The following MBD5 variants were observed in gnomAD, a reference collection of about 807,000 sequenced individuals.
The protein encoded by MBD5 is methyl-CpG-binding domain protein 5.
MBD5 carries 13 observed loss-of-function variants against 117.3 expected under a neutral mutation model. The observed-to-expected ratio is 0.11, with a 90% confidence interval of 0.07 to 0.18. The LOEUF is 0.18. Ranked by LOEUF, MBD5 falls within the 10% of genes least tolerant of loss-of-function variation. MBD5 has a pLI of 1.00. For missense variants in MBD5, 1,879 were observed against 2,093.8 expected (o/e 0.90, Z 2.00); for synonymous variants, 727 against 766.4 (o/e 0.95, Z 0.85).
intron 1 of MBD5, among the ~76,000 whole-genome samples, chr2:148,047,829 A>G (rs1010982583): frequency 6.6e-6 from 1 of 152,204 alleles, no homozygotes; most frequent in Non-Finnish European, 1.5e-5. Flanking sequence ...ACAATTGCAT[A>G]AGATGGTAAG....
At chr2:148,219,467 A>C (rs1269607698) in intron 2 of MBD5, among the ~76,000 whole-genome samples, 1 of 152,138 alleles carries the variant, frequency 6.6e-6, no homozygotes, top group Non-Finnish European at 1.5e-5. Flanking sequence ...GAATTTTTTG[A>C]CTTCATTATA....
At position 148,515,669 on chromosome 2, in the gene MBD5, T is replaced by G. The variant is rs1209354160; in HGVS notation, c.*2728T>G. The G allele has an allele frequency of 6.6e-6, 1 of 152,342 alleles. No individual in the cohort carries two copies. Among genetic ancestry groups the G allele is most frequent in the East Asian group, 1.9e-4 (1 of 5,194 alleles). 9.4% of individuals were successfully genotyped at this position (152,342 alleles called of 1,614,324 possible). On this transcript the variant is annotated 3_prime_UTR_variant, in exon 14 of 14. Coordinates refer to ENST00000642680, the MANE Select transcript of MBD5 (RefSeq NM_001378120.1). ...TTTTTATTCCCTAAAATAAACTTTT[T>G]AAGAAACAAATCCAAGAATGGAAAC...
chr2:148,105,957 A>G (rs1428011738), intron 1 of MBD5, among the ~76,000 whole-genome samples: 1 of 152,106 alleles, frequency 6.6e-6, no homozygotes, highest in East Asian at 1.9e-4. Flanking sequence ...ATTTTTGTTA[A>G]TAAATTCTAA....
At chr2:148,145,095 C>A (rs766205785) in intron 1 of MBD5, among the ~76,000 whole-genome samples, 3 of 152,102 alleles carry the variant, frequency 2.0e-5, no homozygotes, top group Non-Finnish European at 4.4e-5. Context: ...GAATGTTCTT[C>A]CATTTGTTTG....
At chr2:148,239,946 G>A (rs966157389) in intron 3 of MBD5, among the ~76,000 whole-genome samples, 2 of 152,124 alleles carry the variant, frequency 1.3e-5, no homozygotes, top group African/African-American at 2.4e-5. Flanking sequence ...AAATCATGCT[G>A]CTATAAAGAC....
intron 1 of MBD5, among the ~76,000 whole-genome samples, chr2:148,165,368 CT>C (rs1050894132): frequency 6.6e-6 from 1 of 151,790 alleles, no homozygotes; most frequent in Non-Finnish European, 1.5e-5. Context: ...AATATTTGAC[CT>C]TTTTACCAAT....
chr2:148,294,370 G>A (rs1219741906), intron 3 of MBD5, among the ~76,000 whole-genome samples: 1 of 143,756 alleles, frequency 7.0e-6, no homozygotes, highest in African/African-American at 2.6e-5. Flanking sequence ...GACTACAGGT[G>A]CCCGCCACCA....
At chr2:148,231,634 T>G (rs1027666174) in intron 2 of MBD5, among the ~76,000 whole-genome samples, 1 of 152,160 alleles carries the variant, frequency 6.6e-6, no homozygotes, top group Non-Finnish European at 1.5e-5. Flanking sequence ...TTGCCCTGCT[T>G]CAAGTTATAG....
intron 1 of MBD5, among the ~76,000 whole-genome samples, chr2:148,029,296 A>G (rs957950998): frequency 6.6e-6 from 1 of 152,014 alleles, no homozygotes; most frequent in African/African-American, 2.4e-5. Context: ...CTAACAGCAT[A>G]TATTATTGCA....
rs187993195 is a variant in MBD5, at chr2:148,217,132, G to A, written c.-830-16113G>A. ...GCCCAAATTTAAGAAAAGAACTAGG[G>A]TGGACACAGTGTTTTTTCCATGTCA... On this transcript the variant is annotated intron_variant, in intron 2 of 13. Coordinates refer to ENST00000642680, the MANE Select transcript of MBD5 (RefSeq NM_001378120.1). Among the ~76,000 whole-genome samples, 3 of 152,234 alleles carry A rather than the reference G, an allele frequency of 2.0e-5. No individual in the cohort carries two copies. The East Asian group carries it at 5.8e-4, about 29-fold the overall frequency.
chr2:148,164,326 CAGAAT>C (rs1388940962), intron 1 of MBD5, among the ~76,000 whole-genome samples: 6 of 151,588 alleles, frequency 4.0e-5, no homozygotes, highest in Non-Finnish European at 8.8e-5. Flanking sequence ...TAGTGGATGC[CAGAAT>C]ACTAGAGGAT....
At chr2:148,457,809 A>T (rs981195746) in intron 4 of MBD5, among the ~76,000 whole-genome samples, 7 of 152,162 alleles carry the variant, frequency 4.6e-5, no homozygotes. Context: ...GGGTTATATA[A>T]TATTAAGGAC....
intron 3 of MBD5, among the ~76,000 whole-genome samples, chr2:148,288,942 C>G (rs1385552032): frequency 6.6e-6 from 1 of 152,162 alleles, no homozygotes; most frequent in Non-Finnish European, 1.5e-5. Flanking sequence ...AGTGATCTCT[C>G]TCATCTGAAT....
In MBD5 at chr2:148,395,722, G is replaced by T. The variant is rs139128803; in HGVS notation, c.-557+53386G>T. Among the ~76,000 whole-genome samples, 7 of 152,218 alleles carry T rather than the reference G, an allele frequency of 4.6e-5. No individual in the cohort carries two copies. In the East Asian group the frequency reaches 1.4e-3, roughly 29 times the overall value. On this transcript the variant is annotated intron_variant, in intron 4 of 13. Coordinates refer to ENST00000642680, the MANE Select transcript of MBD5 (RefSeq NM_001378120.1). ...TTAGAGGCGTGAGCCACCGTGCCTG[G>T]CCCCAACTCATCTTTTCATAATAGG...
At chr2:148,473,869 T>G (rs759985133) in intron 8 of MBD5, among the ~76,000 whole-genome samples, 1 of 152,212 alleles carries the variant, frequency 6.6e-6, no homozygotes, top group Non-Finnish European at 1.5e-5. Context: ...TACTTTGCAT[T>G]TTAAAGTTTA....
chr2:148,205,377 A>G (rs1699251617), intron 2 of MBD5, among the ~76,000 whole-genome samples: 2 of 152,218 alleles, frequency 1.3e-5, no homozygotes, highest in Non-Finnish European at 2.9e-5. Context: ...GGCGTGGACT[A>G]ATTTTCTCAT....
chr2:148,264,556 C>T (rs775358725), intron 3 of MBD5: 5 of 152,024 alleles, frequency 3.3e-5, no homozygotes, highest in African/African-American at 4.8e-5. Context: ...AGGCATTGTA[C>T]CAATCAGAAT....
At chr2:148,364,287 C>A (rs962347920) in intron 4 of MBD5, among the ~76,000 whole-genome samples, 2 of 152,136 alleles carry the variant, frequency 1.3e-5, no homozygotes, top group Non-Finnish European at 2.9e-5. Flanking sequence ...TACAGACAAG[C>A]AAATGCTGAG....
At chr2:148,420,660 C>T (rs1235761712) in intron 4 of MBD5, among the ~76,000 whole-genome samples, 1 of 152,122 alleles carries the variant, frequency 6.6e-6, no homozygotes, top group Non-Finnish European at 1.5e-5. Context: ...CAAGCCAGGT[C>T]CAGCTCTACC....
Sources: gnomAD v4.1 joint callset for allele counts (sites outside exome capture counted in the v4.1 genomes callset) on GRCh38, gnomAD v4.1.1 for gene constraint, MANE v1.5 for transcripts, NCBI Gene and HGNC (gene_info 2026-07-23, HGNC 2026-07-21) for gene names.